NFATC2: variants seen among roughly 807,000 people sequenced by gnomAD.
NFATC2 encodes nuclear factor of activated T-cells, cytoplasmic 2.
NFATC2 carries 22 observed loss-of-function variants against 87.3 expected under a neutral mutation model. That is an observed-to-expected ratio of 0.25 (90% CI 0.18 to 0.36). The LOEUF is 0.36. Among genes scored for constraint, NFATC2 ranks in the 10% least tolerant of loss-of-function variants. The pLI is 1.00. For missense variants in NFATC2, 1,149 were observed against 1,259.1 expected, an observed-to-expected ratio of 0.91 and a Z score of 1.32; for synonymous variants, 565 against 542.2, an observed-to-expected ratio of 1.04 and a Z score of -0.58.
intron 3 of NFATC2, among the ~76,000 whole-genome samples, chr20:51,510,119 C>T (rs954024382): frequency 6.6e-6 from 1 of 152,176 alleles, no homozygotes; most frequent in African/African-American, 2.4e-5. Context: ...AAAAGGATGG[C>T]GTTCTGATTA....
chr20:51,464,057 C>T (rs1220120909), intron 5 of NFATC2, among the ~76,000 whole-genome samples: 1 of 152,222 alleles, frequency 6.6e-6, no homozygotes, highest in Non-Finnish European at 1.5e-5. Flanking sequence ...GGGGTTCCTT[C>T]CCAGCAGCAG....
chr20:51,492,540 C>G (rs2146590962), intron 3 of NFATC2, among the ~76,000 whole-genome samples: 1 of 152,372 alleles, frequency 6.6e-6, no homozygotes, highest in Admixed American at 6.5e-5. Context: ...GAAAGCTTTT[C>G]CTCTCTGTGC....
At chr20:51,484,806 A>C (rs1989571896) in intron 3 of NFATC2, among the ~76,000 whole-genome samples, 1 of 152,172 alleles carries the variant, frequency 6.6e-6, no homozygotes, top group Admixed American at 6.5e-5. Context: ...AGGTATGATG[A>C]AGAAGGAGCC....
intron 3 of NFATC2, among the ~76,000 whole-genome samples, chr20:51,477,574 T>TACAATATAAAAAATATATACA (rs1328781819): frequency 1.4e-5 from 1 of 69,676 alleles, no homozygotes; most frequent in African/African-American, 6.6e-5. Context: ...TATATATATA[T>TACAATATAAAAAATATATACA]ATATATAAAA....
In NFATC2 at chr20:51,432,440, A is replaced by T. The variant is rs770906453; in HGVS notation, c.2349T>A (p.Ser783=). 6 of 1,575,982 alleles carry T rather than the reference A, an allele frequency of 3.8e-6. No individual in the cohort carries two copies. Among genetic ancestry groups the T allele is most frequent in the Non-Finnish European group, 5.2e-6 (6 of 1,158,978 alleles). The stretch of plus-strand genomic sequence containing the variant: ...CCTGGGAGCCGGCGTGCACCAGCAC[A>T]GAGCGGTGAGCGTCCGCAAGGGACA... The part of the protein sequence containing the change: ...APLSLADAHR[S]VLVHAGSQGQ... The change falls in exon 9 of 11, where the codon TCT becomes TCA. Residue 783 remains serine (S), a synonymous_variant. Coordinates refer to ENST00000371564, the MANE Select transcript of NFATC2 (RefSeq NM_012340.5). The surrounding 1 kb of genome is among the most constrained non-coding windows in gnomAD (Gnocchi z 4.6).
intron 10 of NFATC2, among the ~76,000 whole-genome samples, chr20:51,394,518 G>C (rs1986774243): frequency 6.6e-6 from 1 of 151,932 alleles, no homozygotes; most frequent in African/African-American, 2.4e-5. Context: ...CCTTGGCAAA[G>C]CCCCCCTTGG....
chr20:51,530,492 G>A (rs766702760), intron 1 of NFATC2, among the ~76,000 whole-genome samples: 35 of 152,116 alleles, frequency 2.3e-4, no homozygotes, highest in Non-Finnish European at 4.4e-4. Flanking sequence ...CTTCTGACTA[G>A]TTCAAAGAGA....
chr20:51,480,876 A>G lies in NFATC2; in HGVS notation c.1333-5216T>C, dbSNP rs560159526. Among the ~76,000 whole-genome samples, 77 of 152,328 alleles carry G rather than the reference A, an allele frequency of 5.1e-4. 1 individual carries two copies. The highest frequency in any genetic ancestry group is 1.7e-3 in the African/African-American group (71 of 41,584). ...AATCGAAACAGGGAGGTGATATTACAGAACTGAATGGAAGGGTGAAGAATG... is the reference window on the plus strand; with the variant it reads ...AATCGAAACAGGGAGGTGATATTACGGAACTGAATGGAAGGGTGAAGAATG... On this transcript the variant is annotated intron_variant, in intron 3 of 10. Transcript: ENST00000371564. The surrounding 1 kb of genome is among the most constrained non-coding windows in gnomAD (Gnocchi z 4.2).
intron 9 of NFATC2, among the ~76,000 whole-genome samples, chr20:51,429,866 G>T (rs6126230): frequency 6.6e-6 from 1 of 152,042 alleles, no homozygotes. Flanking sequence ...CACCTCGCTC[G>T]GTTCTCTGAG....
At position 51,391,335 on chromosome 20, in the gene NFATC2, A is replaced by AGG. The variant is rs1341793587; in HGVS notation, c.*159_*160dup. 6.5e-7 allele frequency: 1 copy of AGG among 1,530,442 alleles called. No individual in the cohort carries two copies. Among genetic ancestry groups the AGG allele is most frequent in the African/African-American group, 1.4e-5 (1 of 72,910 alleles). The allele number at this position is 1,530,442 out of a possible 1,614,324, so 94.8% of individuals were successfully genotyped here. On this transcript the variant is annotated 3_prime_UTR_variant, in exon 11 of 11. Coordinates refer to ENST00000371564, the MANE Select transcript of NFATC2 (RefSeq NM_012340.5). ...TGAACATGAAAGGAGACAGAAGGTG[A>AGG]GGGGCTGTGGAGGGCTCCGAGGGGT...
chr20:51,530,269 C>A (rs1332977681), intron 1 of NFATC2, among the ~76,000 whole-genome samples: 1 of 152,108 alleles, frequency 6.6e-6, no homozygotes, highest in African/African-American at 2.4e-5. Flanking sequence ...CGGGTTCAAG[C>A]GATTCTCCTG....
intron 10 of NFATC2, among the ~76,000 whole-genome samples, chr20:51,394,866 C>G (rs1250136762): frequency 2.0e-5 from 3 of 151,560 alleles, no homozygotes; most frequent in African/African-American, 7.3e-5. Flanking sequence ...AGTGTTCTGC[C>G]TCTTCCTGGA....
rs1299217993 is a variant in NFATC2, at chr20:51,562,586, A to G, written c.44T>C (p.Leu15Pro). 8.4e-6 allele frequency: 13 copies of G among 1,551,226 alleles called. No individual in the cohort carries two copies. The Admixed American group carries it at 1.4e-4, about 16-fold the overall frequency. ...TTGGTCCACAGACCCCATGATGCGGAGGGGATGGCAGTGCCCCAGTCTGAA... is the reference window on the plus strand; with the variant it reads ...TTGGTCCACAGACCCCATGATGCGGGGGGGATGGCAGTGCCCCAGTCTGAA... Residue 15 changes from leucine to proline, a missense_variant, in exon 1 of 11, where the codon CTC becomes CCC. Physicochemically the swap from Leu to Pro is moderately conservative, Grantham distance 98. Coordinates refer to the NFATC2 transcript ENST00000414705. The surrounding 1 kb of genome is among the most constrained non-coding windows in gnomAD (Gnocchi z 5.8).
intron 8 of NFATC2, among the ~76,000 whole-genome samples, chr20:51,433,091 CTCTT>C (rs989477108): frequency 6.6e-6 from 1 of 152,128 alleles, no homozygotes; most frequent in Admixed American, 6.5e-5. Flanking sequence ...ATGCCTCCCC[CTCTT>C]TCTATCCCAG....
chr20:51,417,565 C>T (rs1357223163), intron 9 of NFATC2, among the ~76,000 whole-genome samples: 5 of 152,202 alleles, frequency 3.3e-5, no homozygotes, highest in African/African-American at 4.8e-5. Context: ...CTGACCACCC[C>T]GTTTGAAGTT....
Position 51,398,821 on chromosome 20 carries a change from A to G in NFATC2, c.2723-91T>C, listed in dbSNP as rs917238728. ...CTTCCAACTCATGCCGATATCATCC[A>G]AGCCCAGGAGGGAACTTAACCCTTT... On this transcript the variant is annotated intron_variant, in intron 9 of 10. Transcript: ENST00000371564. The G allele has an allele frequency of 3.4e-5, 30 of 889,638 alleles. No individual in the cohort carries two copies. The African/African-American group carries it at 4.5e-4, about 13-fold the overall frequency. The allele number at this position is 889,638 out of a possible 1,614,324, so 55.1% of individuals were successfully genotyped here.
chr20:51,462,909 C>T (rs1285460759), intron 5 of NFATC2, among the ~76,000 whole-genome samples: 1 of 152,214 alleles, frequency 6.6e-6, no homozygotes, highest in Non-Finnish European at 1.5e-5. Context: ...ATTCCGCTAC[C>T]CCATGGGACC....
chr20:51,498,162 C>T (rs1329653337), intron 3 of NFATC2, among the ~76,000 whole-genome samples: 2 of 152,108 alleles, frequency 1.3e-5, no homozygotes, highest in African/African-American at 2.4e-5. Context: ...GAATGGTTGT[C>T]ATTTCCTTCC....
rs1049059746 is a variant in NFATC2, at chr20:51,480,211, C to T, written c.1333-4551G>A. 2.6e-5 allele frequency among the ~76,000 whole-genome samples: 4 copies of T among 152,052 alleles called. No individual in the cohort carries two copies. Among genetic ancestry groups the T allele is most frequent in the Admixed American group, 2.6e-4 (4 of 15,276 alleles). On this transcript the variant is annotated intron_variant, in intron 3 of 10. Coordinates refer to ENST00000371564, the MANE Select transcript of NFATC2 (RefSeq NM_012340.5). This position sits in a 1 kb window ranked among gnomAD's most constrained non-coding sequence, Gnocchi z 4.2. ...ACCAAGGCAGGAGAATCACTTGAAC[C>T]CGGGGGTTGGAGGTGGCAGTGAGCC...
Sources: gnomAD v4.1 joint callset for allele counts (sites outside exome capture counted in the v4.1 genomes callset) on GRCh38, gnomAD v4.1.1 for gene constraint, Gnocchi (gnomAD v3.1) non-coding constraint, MANE v1.5 for transcripts, NCBI Gene and HGNC (gene_info 2026-07-23, HGNC 2026-07-21) for gene names.